Variants in KIF6 observed in about 807,000 individuals in gnomAD.
KIF6 encodes kinesin family member 6.
In KIF6, 106 loss-of-function variants were observed where a neutral mutation model predicts 112.7. That is an observed-to-expected ratio of 0.94 (90% CI 0.80 to 1.11). The LOEUF is 1.11. Among genes scored for constraint, KIF6 ranks in the 50% least tolerant of loss-of-function variants. KIF6 has a pLI of 0.00. For synonymous variants in KIF6, 339 were observed against 339.9 expected, an observed-to-expected ratio of 1.00 and a Z score of 0.03; for missense variants, 929 against 964.0, an observed-to-expected ratio of 0.96 and a Z score of 0.48.
rs9471104 is a variant in KIF6 at position 39,436,556 on chromosome 6, T to C, written c.1646-5395A>G. Among the ~76,000 whole-genome samples the C allele has an allele frequency of 9.4e-4, 143 of 152,204 alleles. 1 individual carries two copies. Among genetic ancestry groups the C allele is most frequent in the African/African-American group, 3.2e-3 (131 of 41,562 alleles). ...GTTAATCTTTGTATATGGTGAGACA[T>C]AGGGATCCAATTTTATTCTTCTACA... On this transcript the variant is annotated intron_variant, in intron 13 of 22. Transcript: ENST00000287152.
At chr6:39,670,203 A>G (rs916537943) in intron 3 of KIF6, among the ~76,000 whole-genome samples, 3 of 152,216 alleles carry the variant, frequency 2.0e-5, no homozygotes, top group Non-Finnish European at 2.9e-5. Flanking sequence ...CTAGATCTCT[A>G]TAGTAACAAT....
intron 13 of KIF6, among the ~76,000 whole-genome samples, chr6:39,534,157 C>G (rs966882358): frequency 3.3e-5 from 5 of 152,208 alleles, no homozygotes; most frequent in Non-Finnish European, 7.3e-5. Flanking sequence ...CAGAGCACCT[C>G]TCCTCCTCCA....
intron 10 of KIF6, 21 bp downstream of exon 10, chr6:39,578,033 GAA>G (rs3830834): frequency 1.3e-6 from 2 of 1,518,164 alleles, no homozygotes; most frequent in Non-Finnish European, 1.8e-6. Flanking sequence ...TAAAGAAAAA[GAA>G]AAAAAAGTCT....
chr6:39,410,882 C>T (rs1286345001), intron 15 of KIF6, among the ~76,000 whole-genome samples: 1 of 152,184 alleles, frequency 6.6e-6, no homozygotes, highest in Non-Finnish European at 1.5e-5. Context: ...AGCTTCCTCC[C>T]CTTTGCTGCC....
chr6:39,390,247 C>T (rs1267532069), intron 15 of KIF6, among the ~76,000 whole-genome samples: 3 of 152,134 alleles, frequency 2.0e-5, no homozygotes, highest in Non-Finnish European at 4.4e-5. Flanking sequence ...AACGCACCAG[C>T]ATGTATGATA....
chr6:39,565,461 G>A (rs1209764710), intron 10 of KIF6, among the ~76,000 whole-genome samples: 2 of 152,020 alleles, frequency 1.3e-5, no homozygotes, highest in Non-Finnish European at 2.9e-5. Flanking sequence ...TCCATTTTCC[G>A]CAAGCCCAGG....
chr6:39,405,059 T>A (rs1001195149), intron 15 of KIF6, among the ~76,000 whole-genome samples: 5 of 152,016 alleles, frequency 3.3e-5, no homozygotes, highest in African/African-American at 1.2e-4. Context: ...TTTTTATGTG[T>A]AGACCTTGTA....
intron 3 of KIF6, among the ~76,000 whole-genome samples, chr6:39,678,117 A>T (rs1787281878): frequency 6.6e-6 from 1 of 151,940 alleles, no homozygotes; most frequent in Non-Finnish European, 1.5e-5. Flanking sequence ...ATCTCACACC[A>T]GTTAGAATGG....
intron 22 of KIF6, among the ~76,000 whole-genome samples, chr6:39,337,307 CT>C (rs1273959922): frequency 1.4e-5 from 2 of 140,274 alleles, no homozygotes; most frequent in African/African-American, 5.4e-5. Flanking sequence ...TTCCTTCCTT[CT>C]TTCTTTTTCT....
At chr6:39,641,388 G>C (rs575088942) in intron 3 of KIF6, among the ~76,000 whole-genome samples, 2 of 151,812 alleles carry the variant, frequency 1.3e-5, no homozygotes, top group Non-Finnish European at 2.9e-5. Context: ...GCAAACTATC[G>C]CAAGGGCAAA....
chr6:39,343,113 A>T lies in KIF6; in HGVS notation c.2428+596T>A. On this transcript the variant is annotated intron_variant, in intron 22 of 22. Transcript: ENST00000287152. This position sits in a 1 kb window ranked among gnomAD's most constrained non-coding sequence, Gnocchi z 4.1. ...AAGAGAAAAGGCCCAGCCACAGCAG[A>T]TGGGAGATGGGCAGCTGCCAAGAGG... 1 of 985,314 alleles carries T rather than the reference A, an allele frequency of 1.0e-6. No individual in the cohort carries two copies. The highest frequency in any genetic ancestry group is 1.2e-6 in the Non-Finnish European group (1 of 829,884). 61.0% of individuals were successfully genotyped at this position (985,314 alleles called of 1,614,324 possible).
At chr6:39,687,443 T>C (rs1787940319) in intron 3 of KIF6, among the ~76,000 whole-genome samples, 1 of 152,372 alleles carries the variant, frequency 6.6e-6, no homozygotes, top group South Asian at 2.1e-4. Flanking sequence ...AATTGTTCTC[T>C]AAAAGGTCTG....
chr6:39,583,155 C>CA (rs1781389096), intron 9 of KIF6: 13 of 256,524 alleles, frequency 5.1e-5, no homozygotes, highest in East Asian at 4.5e-4. Flanking sequence ...AACAAACAAA[C>CA]AAACAAAAAC....
chr6:39,480,479 A>G (rs1156567908), intron 13 of KIF6, among the ~76,000 whole-genome samples: 1 of 151,344 alleles, frequency 6.6e-6, no homozygotes, highest in East Asian at 1.9e-4. Flanking sequence ...GGAGTTTTGC[A>G]TCTATGTCCA....
chr6:39,535,107 C>T (rs1460085254), intron 13 of KIF6, among the ~76,000 whole-genome samples: 1 of 152,196 alleles, frequency 6.6e-6, no homozygotes, highest in Non-Finnish European at 1.5e-5. Flanking sequence ...ACTGCAAAAT[C>T]ATGCCAAAAT....
At chr6:39,609,124 G>A (rs957735046) in intron 6 of KIF6, among the ~76,000 whole-genome samples, 1 of 152,132 alleles carries the variant, frequency 6.6e-6, no homozygotes, top group South Asian at 2.1e-4. Flanking sequence ...TAGAAAAGAA[G>A]GTCTCCAAAG....
Position 39,714,688 on chromosome 6 carries a change from C to T in KIF6, c.251+4G>A, listed in dbSNP as rs774092876. ...CCCACTGAACAAAATATGGGAAATC[C>T]TACCTCCCAGCAACTGGTTTGGCAA... On this transcript the variant is annotated splice_donor_region_variant and intron_variant, in intron 3 of 22. Coordinates refer to ENST00000287152, the MANE Select transcript of KIF6 (RefSeq NM_145027.6). 9 of 1,610,876 alleles carry T rather than the reference C, an allele frequency of 5.6e-6. No homozygotes were observed. Among genetic ancestry groups the T allele is most frequent in the Non-Finnish European group, 8.5e-7 (1 of 1,177,368 alleles).
intron 13 of KIF6, among the ~76,000 whole-genome samples, chr6:39,509,606 C>T (rs551312368): frequency 5.9e-5 from 9 of 152,066 alleles, no homozygotes; most frequent in East Asian, 5.8e-4. Context: ...ATAGCTGATT[C>T]GATCAAGTGG....
At position 39,674,597 on chromosome 6, in the gene KIF6, G is replaced by C. The variant is rs528825546; in HGVS notation, c.252-34840C>G. ...CCTTGTGGGTAAAATGTGGAAATGT[G>C]AACTGAAATATACAAACAGAGTTGG... On this transcript the variant is annotated intron_variant, in intron 3 of 22. Coordinates refer to ENST00000287152, the MANE Select transcript of KIF6 (RefSeq NM_145027.6). Among the ~76,000 whole-genome samples, 16 of 152,028 alleles carry C rather than the reference G, an allele frequency of 1.1e-4. No individual in the cohort carries two copies. The East Asian group carries it at 3.1e-3, about 29-fold the overall frequency.
Sources: gnomAD v4.1 joint callset for allele counts (sites outside exome capture counted in the v4.1 genomes callset) on GRCh38, gnomAD v4.1.1 for gene constraint, Gnocchi (gnomAD v3.1) non-coding constraint, MANE v1.5 for transcripts, NCBI Gene and HGNC (gene_info 2026-07-23, HGNC 2026-07-21) for gene names.